Variants in ATP9A observed in about 807,000 individuals in gnomAD.
ATP9A encodes probable phospholipid-transporting ATPase IIA.
Under a neutral mutation model 144.1 loss-of-function variants are expected in ATP9A, and 52 were observed. The ratio of observed to expected loss-of-function variants is 0.36; its 90% CI spans 0.29 to 0.45. The LOEUF (loss-of-function observed/expected upper bound fraction) is 0.45, where lower values mean the gene tolerates loss of function less well. Among genes scored for constraint, ATP9A ranks in the 20% least tolerant of loss-of-function variants. ATP9A has a pLI of 1.00. For synonymous variants in ATP9A, 582 were observed against 557.4 expected (o/e 1.04, Z -0.62); for missense variants, 947 against 1,392.7 (o/e 0.68, Z 5.09).
Position 51,729,830 on chromosome 20 carries a change from G to T in ATP9A, c.213+4C>A, listed in dbSNP as rs756230888. The T allele has an allele frequency of 6.3e-7, 1 of 1,575,316 alleles. No individual in the cohort carries two copies. The highest frequency in any genetic ancestry group is 1.4e-5 in the African/African-American group (1 of 73,012). On this transcript the variant is annotated splice_donor_region_variant and intron_variant, in intron 2 of 27. Coordinates refer to ENST00000338821, the MANE Select transcript of ATP9A (RefSeq NM_006045.3). ...AAAAGAGCACGGTCCCTGCCTGCAC[G>T]TACCCCAGGAAGAAAGGTGAAGAAA...
intron 4 of ATP9A, among the ~76,000 whole-genome samples, chr20:51,708,891 T>C (rs1270746257): frequency 1.3e-5 from 2 of 152,300 alleles, no homozygotes; most frequent in East Asian, 3.9e-4. Flanking sequence ...CGAGGAGCTC[T>C]GCCAGGCTAG....
intron 4 of ATP9A, among the ~76,000 whole-genome samples, chr20:51,699,678 T>C (rs1229879201): frequency 6.6e-6 from 1 of 152,030 alleles, no homozygotes; most frequent in Non-Finnish European, 1.5e-5. Flanking sequence ...AGTCTCGCTC[T>C]GTCACCCAGG....
At chr20:51,747,375 G>A (rs1400114935) in intron 1 of ATP9A, among the ~76,000 whole-genome samples, 1 of 152,092 alleles carries the variant, frequency 6.6e-6, no homozygotes, top group Non-Finnish European at 1.5e-5. Context: ...GCACGAGGAT[G>A]TTCACAGCGG....
chr20:51,762,703 G>A (rs1290538803), intron 1 of ATP9A, among the ~76,000 whole-genome samples: 2 of 119,792 alleles, frequency 1.7e-5, no homozygotes, highest in African/African-American at 6.9e-5. Context: ...ATCCACAAAT[G>A]GCTTTTTTTT....
intron 14 of ATP9A, among the ~76,000 whole-genome samples, chr20:51,654,632 G>A (rs2077379969): frequency 6.6e-6 from 1 of 152,204 alleles, no homozygotes; most frequent in South Asian, 2.1e-4. Context: ...GGCTGAGGTG[G>A]GAGGATGGCT....
intron 8 of ATP9A, among the ~76,000 whole-genome samples, chr20:51,689,841 T>C (rs1266919088): frequency 2.6e-5 from 4 of 151,254 alleles, no homozygotes; most frequent in African/African-American, 4.8e-5. Flanking sequence ...TCAGGTGTGG[T>C]GGCTCACACC....
chr20:51,603,379 A>T (rs1052266036), intron 27 of ATP9A, among the ~76,000 whole-genome samples: 1 of 152,226 alleles, frequency 6.6e-6, no homozygotes, highest in East Asian at 1.9e-4. Flanking sequence ...ATTAGAGTTC[A>T]GAATCTATCC....
intron 1 of ATP9A, among the ~76,000 whole-genome samples, chr20:51,767,393 A>AC (rs1179165278): frequency 2.4e-5 from 2 of 81,708 alleles, no homozygotes; most frequent in Admixed American, 1.3e-4. Context: ...ACCAGCGCCC[A>AC]CCCCCGTCCT....
At chr20:51,712,315 C>T (rs2426387) in intron 4 of ATP9A, among the ~76,000 whole-genome samples, 53,732 of 151,898 alleles carry the variant, frequency 0.35, 9,921 homozygotes, top group South Asian at 0.54. Flanking sequence ...ACCTTGTGAT[C>T]AGCCCGCCTC....
chr20:51,748,936 T>TAGACAGAC (rs1218193799), intron 1 of ATP9A, among the ~76,000 whole-genome samples: 2,236 of 128,244 alleles, frequency 0.017, 71 homozygotes, highest in African/African-American at 0.063. Context: ...GATAGATAGA[T>TAGACAGAC]AGATAGATAG....
chr20:51,700,549 C>A (rs548990991), intron 4 of ATP9A, among the ~76,000 whole-genome samples: 1 of 152,070 alleles, frequency 6.6e-6, no homozygotes, highest in South Asian at 2.1e-4. Flanking sequence ...AAAGAGAGAG[C>A]GCCGGGCATG....
Position 51,694,192 on chromosome 20 carries a change from A to T in ATP9A, c.548-90T>A, listed in dbSNP as rs2077560830. ...AGCGTCTGCTCTGGTCCTTGTAAAA[A>T]CAGCCAACCAATGGCCAGCGACCAC... On this transcript the variant is annotated intron_variant, in intron 6 of 27. Transcript: ENST00000338821. The T allele has an allele frequency of 3.3e-5, 31 of 942,128 alleles. No homozygotes were observed. In the South Asian group the frequency reaches 4.5e-4, roughly 14 times the overall value. The allele number at this position is 942,128 out of a possible 1,614,324, so 58.4% of individuals were successfully genotyped here. A position where few individuals can be genotyped will look rare whatever the true frequency, so the allele number is the denominator to read the frequency against.
At chr20:51,726,840 A>G (rs1318199873) in intron 2 of ATP9A, among the ~76,000 whole-genome samples, 1 of 150,502 alleles carries the variant, frequency 6.6e-6, no homozygotes, top group East Asian at 1.9e-4. Flanking sequence ...CAGCCTCCCA[A>G]AGTGTTGGGA....
At chr20:51,754,460 G>A (rs985516283) in intron 1 of ATP9A, among the ~76,000 whole-genome samples, 9 of 150,342 alleles carry the variant, frequency 6.0e-5, no homozygotes, top group African/African-American at 1.7e-4. Context: ...CTGAGATTGC[G>A]CCATTGCACT....
chr20:51,739,442 C>T (rs1568843234), intron 1 of ATP9A, among the ~76,000 whole-genome samples: 1 of 150,976 alleles, frequency 6.6e-6, no homozygotes, highest in Non-Finnish European at 1.5e-5. Context: ...AGCTCTGCCT[C>T]CCAGGTTCAC....
At chr20:51,707,879 T>G (rs1267504804) in intron 4 of ATP9A, among the ~76,000 whole-genome samples, 1 of 151,988 alleles carries the variant, frequency 6.6e-6, no homozygotes, top group Non-Finnish European at 1.5e-5. Context: ...GTAGCGTGTA[T>G]TTTAGAGATG....
In ATP9A at chr20:51,642,726, C is replaced by CAAAAA. The variant is rs778440862; in HGVS notation, c.1507-3227_1507-3223dup. Reference sequence around the variant, plus strand: ...GGGTGACTGAGTGAGACTCTGTCTCCAAAAAAAAAAAAAAAAAAAAAAAAA... The same window carrying CAAAAA: ...GGGTGACTGAGTGAGACTCTGTCTCCAAAAAAAAAAAAAAAAAAAAAAAAAAAAAA... On this transcript the variant is annotated intron_variant, in intron 14 of 27. Coordinates refer to ENST00000338821, the MANE Select transcript of ATP9A (RefSeq NM_006045.3). 1.0e-3 allele frequency among the ~76,000 whole-genome samples: 32 copies of CAAAAA among 31,142 alleles called. 2 individuals carry two copies. Among genetic ancestry groups the CAAAAA allele is most frequent in the African/African-American group, 1.7e-3 (19 of 11,184 alleles). 20.4% of individuals were successfully genotyped at this position (31,142 alleles called of 152,430 possible).
rs564570474 is a variant in ATP9A, at chr20:51,693,935, C to T, written c.642+73G>A. ...CACAAGTTGCCATCCCATGCCTGGC[C>T]CCCCAGGTATGAGTTTGAGAACCCT... On this transcript the variant is annotated intron_variant, in intron 7 of 27. Coordinates refer to ENST00000338821, the MANE Select transcript of ATP9A (RefSeq NM_006045.3). The T allele has an allele frequency of 4.4e-5, 54 of 1,240,196 alleles. No individual in the cohort carries two copies. In the South Asian group the frequency reaches 6.7e-4, roughly 15 times the overall value. 76.8% of individuals were successfully genotyped at this position (1,240,196 alleles called of 1,614,324 possible).
chr20:51,658,393 C>T (rs1490284742), intron 13 of ATP9A, among the ~76,000 whole-genome samples: 1 of 151,986 alleles, frequency 6.6e-6, no homozygotes, highest in East Asian at 1.9e-4. Context: ...GTTTTCAATC[C>T]ATGCTCCACA....
Sources: allele counts gnomAD v4.1 joint callset (sites outside exome capture counted in the v4.1 genomes callset), GRCh38; gene constraint gnomAD v4.1.1; transcripts MANE v1.5; gene names NCBI Gene and HGNC (gene_info 2026-07-23, HGNC 2026-07-21).